The following SLC1A1 variants were observed in gnomAD, a reference collection of about 807,000 sequenced individuals.
The protein encoded by SLC1A1 is excitatory amino acid transporter 3.
A neutral mutation model predicts 53.3 loss-of-function variants in SLC1A1; 43 were observed. The observed-to-expected ratio is 0.81, with a 90% CI of 0.63 to 1.04. The LOEUF is 1.04. Among genes scored for constraint, SLC1A1 ranks in the 50% least tolerant of loss-of-function variants. SLC1A1 has a pLI of 0.00. For missense variants in SLC1A1, 748 were observed against 664.9 expected, an observed-to-expected ratio of 1.12 and a Z score of -1.37; for synonymous variants, 307 against 243.2, an observed-to-expected ratio of 1.26 and a Z score of -2.44.
At chr9:4,531,415 C>T (rs1381885876) in intron 1 of SLC1A1, among the ~76,000 whole-genome samples, 10 of 152,204 alleles carry the variant, frequency 6.6e-5, no homozygotes, top group Non-Finnish European at 1.0e-4. Context: ...TTATATCCTG[C>T]GCCTGGCTCA....
chr9:4,585,387 G>T lies in SLC1A1; in HGVS notation c.1404G>T (p.Lys468Asn). ...GCATTGTGGAAAAGCTCTCCAAGAA[G>T]GAGCTGGAGCAGATGGATGTTTCAT... ...GTGIVEKLSK[K>N]ELEQMDVSSE... The change falls in exon 12 of 12, where the codon AAG (lysine) becomes AAT (asparagine). Residue 468 changes from lysine (K) to asparagine (N), a missense_variant. Lys to Asn is a moderately conservative substitution (Grantham distance 94). Coordinates refer to ENST00000262352, the MANE Select transcript of SLC1A1 (RefSeq NM_004170.6). 1.9e-6 allele frequency: 3 copies of T among 1,614,226 alleles called. No individual in the cohort carries two copies. The highest frequency in any genetic ancestry group is 2.5e-6 in the Non-Finnish European group (3 of 1,180,038).
chr9:4,585,169 A>T (rs1268886940), intron 11 of SLC1A1, 143 bp from the exon 12 acceptor site: 3 of 1,047,916 alleles, frequency 2.9e-6, no homozygotes, highest in Non-Finnish European at 4.3e-6. Flanking sequence ...GCCTGTGAGG[A>T]GCCTTCAGTC....
chr9:4,587,042 A>C lies in SLC1A1; in HGVS notation c.*1484A>C, dbSNP rs1057087611. 6.6e-6 allele frequency: 1 copy of C among 152,628 alleles called. No homozygotes were observed. 9.5% of individuals were successfully genotyped at this position (152,628 alleles called of 1,614,324 possible). A position where few individuals can be genotyped will look rare whatever the true frequency, so the allele number is the denominator to read the frequency against. On this transcript the variant is annotated 3_prime_UTR_variant, in exon 12 of 12. Coordinates refer to ENST00000262352, the MANE Select transcript of SLC1A1 (RefSeq NM_004170.6). The stretch of plus-strand genomic sequence containing the variant: ...CATGTTTCTGCAGTATTCTGTAGCC[A>C]ACTTAAACCTGTGCTTTCATGTTTA...
At chr9:4,538,343 G>C (rs1047431701) in intron 1 of SLC1A1, among the ~76,000 whole-genome samples, 4 of 152,198 alleles carry the variant, frequency 2.6e-5, no homozygotes, top group African/African-American at 9.7e-5. Context: ...AAGAGACAAA[G>C]GTTGCATTCT....
chr9:4,499,603 A>G (rs1820566871), intron 1 of SLC1A1, among the ~76,000 whole-genome samples: 1 of 152,252 alleles, frequency 6.6e-6, no homozygotes, highest in African/African-American at 2.4e-5. Context: ...AATGATCTAA[A>G]CACAAAATTA....
intron 1 of SLC1A1, among the ~76,000 whole-genome samples, chr9:4,521,651 G>A (rs552467609): frequency 2.0e-5 from 3 of 152,132 alleles, no homozygotes; most frequent in Non-Finnish European, 2.9e-5. Flanking sequence ...GAGACGGTAT[G>A]GTAAGAAGCT....
At chr9:4,547,882 C>A (rs1420459176) in intron 2 of SLC1A1, among the ~76,000 whole-genome samples, 1 of 151,114 alleles carries the variant, frequency 6.6e-6, no homozygotes, top group Non-Finnish European at 1.5e-5. Context: ...TATTTAATTA[C>A]ATGTGGGAAC....
At chr9:4,552,694 C>T (rs1818034413) in intron 2 of SLC1A1, among the ~76,000 whole-genome samples, 1 of 151,926 alleles carries the variant, frequency 6.6e-6, no homozygotes, top group Admixed American at 6.6e-5. Flanking sequence ...AGCCACACTG[C>T]CTGGGTTTGA....
intron 1 of SLC1A1, among the ~76,000 whole-genome samples, chr9:4,502,449 TGA>T (rs1341058593): frequency 7.3e-6 from 1 of 137,568 alleles, no homozygotes. Flanking sequence ...AGAGAGAAAG[TGA>T]GAGTGACATA....
chr9:4,544,212 G>A (rs183713509), intron 1 of SLC1A1, among the ~76,000 whole-genome samples: 104 of 152,146 alleles, frequency 6.8e-4, no homozygotes, highest in Admixed American at 2.2e-3. Context: ...ATCTCTGCAG[G>A]TAGAAAAAGG....
chr9:4,511,566 T>TACACACACAC (rs113277990), intron 1 of SLC1A1, among the ~76,000 whole-genome samples: 2,194 of 146,296 alleles, frequency 0.015, 22 homozygotes, highest in Middle Eastern at 0.064. Flanking sequence ...TTAAGAATTC[T>TACACACACAC]ACACACACAC....
rs1247453772 is a variant in SLC1A1 at position 4,532,708 on chromosome 9, G to C, written c.92-11859G>C. Among the ~76,000 whole-genome samples the C allele has an allele frequency of 2.0e-5, 3 of 152,090 alleles. No homozygotes were observed. In the East Asian group the frequency reaches 5.8e-4, roughly 29 times the overall value. ...CCAACATTCAAATTCAGGAAATACA[G>C]AGAACGCCACAAAGATACTCCTCGA... On this transcript the variant is annotated intron_variant, in intron 1 of 11. Transcript: ENST00000262352.
intron 1 of SLC1A1, among the ~76,000 whole-genome samples, chr9:4,526,958 T>G (rs34939038): frequency 0.26 from 39,444 of 151,928 alleles, 6,246 homozygotes; most frequent in South Asian, 0.4. Flanking sequence ...CAAATGTAAT[T>G]AAAGTCCCTA....
At chr9:4,577,809 A>C (rs190978) in intron 10 of SLC1A1, among the ~76,000 whole-genome samples, 113,203 of 152,150 alleles carry the variant, frequency 0.74, 42,269 homozygotes, top group East Asian at 0.85. Context: ...AGCAATATGG[A>C]AGATATATTG....
At chr9:4,554,106 T>G (rs1243020239) in intron 2 of SLC1A1, 1 of 152,230 alleles carries the variant, frequency 6.6e-6, no homozygotes, top group Non-Finnish European at 1.5e-5. Context: ...TAACTCCATC[T>G]TTAGAGATAA....
At position 4,564,372 on chromosome 9, in the gene SLC1A1, T is replaced by C; in HGVS notation, c.354T>C (p.Pro118=). The C allele has an allele frequency of 6.2e-7, 1 of 1,613,670 alleles. No homozygotes were observed. Among genetic ancestry groups the C allele is most frequent in the Non-Finnish European group, 8.5e-7 (1 of 1,179,768 alleles). Residue 118 remains proline, a synonymous_variant, in exon 4 of 12, where the codon CCT becomes CCC. Transcript: ENST00000262352. The part of the protein sequence containing the change: ...LGIVLVVSIK[P]GVTQKVGEIA... Reference sequence around the variant, plus strand: ...TTGTGCTGGTGGTGAGCATCAAGCCTGGTGTCACCCAGAAAGTGGGTGAAA... The same window carrying C: ...TTGTGCTGGTGGTGAGCATCAAGCCCGGTGTCACCCAGAAAGTGGGTGAAA...
At chr9:4,507,257 T>C (rs187674822) in intron 1 of SLC1A1, among the ~76,000 whole-genome samples, 4 of 151,852 alleles carry the variant, frequency 2.6e-5, no homozygotes, top group Non-Finnish European at 4.4e-5. Context: ...AAAAAATAGA[T>C]TCCAAGAGTA....
intron 2 of SLC1A1, 108 bp from the exon 3 acceptor site, chr9:4,561,341 G>T (rs764435419): frequency 8.9e-5 from 69 of 778,650 alleles, no homozygotes; most frequent in Non-Finnish European, 1.6e-4. Flanking sequence ...ATTGTCTGTA[G>T]ATGAGAACGC....
intron 2 of SLC1A1, among the ~76,000 whole-genome samples, chr9:4,548,792 G>A (rs1817689974): frequency 6.6e-6 from 1 of 151,202 alleles, no homozygotes. Context: ...CTTTAAAACA[G>A]AAAAAAAAAA....
Sources: gnomAD v4.1 joint callset for allele counts (sites outside exome capture counted in the v4.1 genomes callset) on GRCh38, gnomAD v4.1.1 for gene constraint, MANE v1.5 for transcripts, NCBI Gene and HGNC (gene_info 2026-07-23, HGNC 2026-07-21) for gene names.